The following UNC13D variants were observed in gnomAD, a reference collection of about 807,000 sequenced individuals.
UNC13D encodes the protein protein unc-13 homolog D.
In UNC13D, 115 loss-of-function variants were observed where a neutral mutation model predicts 151.7. The observed-to-expected ratio is 0.76, with a 90% CI of 0.65 to 0.88. The LOEUF is 0.88. UNC13D is among the 40% of genes least tolerant of loss of function. UNC13D has a pLI of 0.00. For synonymous variants in UNC13D, 588 were observed against 612.2 expected, an observed-to-expected ratio of 0.96 and a Z score of 0.58; for missense variants, 1,369 against 1,438.7, an observed-to-expected ratio of 0.95 and a Z score of 0.78.
Position 75,830,489 on chromosome 17 carries a change from T to G in UNC13D, c.2710-7A>C. 6.3e-7 allele frequency: 1 copy of G among 1,591,014 alleles called. No individual in the cohort carries two copies. The highest frequency in any genetic ancestry group is 1.1e-5 in the South Asian group (1 of 87,642). ...CCTCAGAGGTGGTTTCTGCCTGGGG[T>G]GGGGAGCAGGGGCAGGGTCAGCAGG... On this transcript the variant is annotated splice_region_variant and splice_polypyrimidine_tract_variant and intron_variant, in intron 28 of 31. Transcript: ENST00000207549.
Position 75,830,377 on chromosome 17 carries a change from G to T in UNC13D, c.2815C>A (p.Pro939Thr), listed in dbSNP as rs866919867. ...CTCCACTCACCATTGGAGTCCAGGG[G>T]CAGCAGGCTGGAGGCGCTGAGCAGC... ...VELLSASSLL[P>T]LDSNGSSDPF... The change falls in exon 29 of 32, where the codon CCC (proline) becomes ACC (threonine). Residue 939 changes from proline to threonine, a missense_variant. Transcript: ENST00000207549. 6.3e-7 allele frequency: 1 copy of T among 1,591,824 alleles called. No homozygotes were observed. The highest frequency in any genetic ancestry group is 8.5e-7 in the Non-Finnish European group (1 of 1,170,970).
Position 75,839,956 on chromosome 17 carries a change from G to GT in UNC13D, c.952-15dup. 1 of 1,613,708 alleles carries GT rather than the reference G, an allele frequency of 6.2e-7. No individual in the cohort carries two copies. ...GGTGCTTCCCGCCTGAGGGGAGCAG[G>GT]TGGAGGAGTGTCAGGACCTGAAGGG... On this transcript the variant is annotated splice_polypyrimidine_tract_variant and intron_variant, in intron 11 of 31. Coordinates refer to ENST00000207549, the MANE Select transcript of UNC13D (RefSeq NM_199242.3).
chr17:75,833,500 C>T lies in UNC13D; in HGVS notation c.2368-455G>A, dbSNP rs76956408. ...ATCTAGCACACTGCATGTGTGTGCA[C>T]GCGCATACACGCCTGTGCATAGAGT... On this transcript the variant is annotated intron_variant, in intron 24 of 31. Transcript: ENST00000207549. The surrounding 1 kb of genome is among the most constrained non-coding windows in gnomAD (Gnocchi z 4.0). Among the ~76,000 whole-genome samples, 2,205 of 152,270 alleles carry T rather than the reference C, an allele frequency of 0.014. 60 individuals are homozygous for T. Among genetic ancestry groups the T allele is most frequent in the African/African-American group, 0.051 (2,107 of 41,526 alleles).
At chr17:75,830,277 C>G (rs950614253) in intron 29 of UNC13D, 85 bp downstream of exon 29, 4 of 1,562,260 alleles carry the variant, frequency 2.6e-6, no homozygotes, top group Non-Finnish European at 3.5e-6. Flanking sequence ...AGAGCTCCTG[C>G]AGGGTGAGCG....
rs552038992 is a variant in UNC13D at position 75,833,079 on chromosome 17, G to A, written c.2368-34C>T. 19 of 1,566,078 alleles carry A rather than the reference G, an allele frequency of 1.2e-5. No homozygotes were observed. The African/African-American group carries it at 2.0e-4, about 17-fold the overall frequency. On this transcript the variant is annotated intron_variant, in intron 24 of 31. Transcript: ENST00000207549. The surrounding 1 kb of genome is among the most constrained non-coding windows in gnomAD (Gnocchi z 4.0). The stretch of plus-strand genomic sequence containing the variant: ...GGAGATGGGGAGCAGGTGTGGCTCC[G>A]GCCCATGTTGGCCCCACCCCCATCC...
At chr17:75,830,769 A>C (rs117732704) in intron 27 of UNC13D, 108 bp from the exon 28 acceptor site, 2 of 1,354,220 alleles carry the variant, frequency 1.5e-6, no homozygotes, top group Admixed American at 2.0e-5. Context: ...TTTGAAATGG[A>C]AAGTATTGGG....
intron 1 of UNC13D, 81 bp from the exon 2 acceptor site, chr17:75,843,600 G>C: frequency 6.4e-7 from 1 of 1,572,492 alleles, no homozygotes; most frequent in Non-Finnish European, 8.6e-7. Context: ...TCTGAGGCCT[G>C]ATCCAGGCCA....
In UNC13D at chr17:75,843,284, AC is replaced by A. The variant is rs1567822642; in HGVS notation, c.154-19del. 1.2e-6 allele frequency: 2 copies of A among 1,602,176 alleles called. No homozygotes were observed. Among genetic ancestry groups the A allele is most frequent in the Admixed American group, 3.3e-5 (2 of 59,894 alleles). On this transcript the variant is annotated intron_variant, in intron 2 of 31. Coordinates refer to ENST00000207549, the MANE Select transcript of UNC13D (RefSeq NM_199242.3). ...AGGGCCCGCTAAGACACACGGGGTC[AC>A]CTTGGGGACCCCACCAGCCACCCCT...
In UNC13D at chr17:75,843,262, G is replaced by T; in HGVS notation, c.158C>A (p.Ala53Asp). 1.2e-6 allele frequency: 2 copies of T among 1,606,936 alleles called. No individual in the cohort carries two copies. ...GTAGAGTGCGTCCTCGTAGAGCAGG[G>T]CCCGCTAAGACACACGGGGTCACCT... ...PSHHFSPEQRALLYEDALYTV... is the reference protein window; with the variant it reads ...PSHHFSPEQRDLLYEDALYTV... The change falls in exon 3 of 32, where the codon GCC becomes GAC. Residue 53 changes from alanine (A) to aspartate (D), a missense_variant. By Grantham distance (126) the Ala-to-Asp change is moderately radical. Transcript: ENST00000207549.
chr17:75,842,487 C>T lies in UNC13D; in HGVS notation c.515G>A (p.Arg172His), dbSNP rs769659694. 9.9e-6 allele frequency: 16 copies of T among 1,613,298 alleles called. No individual in the cohort carries two copies. Among genetic ancestry groups the T allele is most frequent in the Admixed American group, 8.3e-5 (5 of 59,994 alleles). Residue 172 changes from arginine (R) to histidine (H), a missense_variant, in exon 6 of 32, where the codon CGC becomes CAC. This residue lies in a region of UNC13D where 550 missense variants were observed against 609.0 expected (regional missense o/e 0.90). Coordinates refer to ENST00000207549, the MANE Select transcript of UNC13D (RefSeq NM_199242.3). ...GAGTGTCTGGGTGATGACCTGCGTG[C>T]GGTGGGTCTCCTCCTCGGGGATGGT... ...RHTIPEEETH[R>H]TQVITQTLNP...
In UNC13D at chr17:75,829,108, G is replaced by A. The variant is rs888543002; in HGVS notation, c.2955-125C>T. ...GGACTGCAAAGCCAGCTCTCAGCCT[G>A]GCACCTCTCAGCCATGTGGTGCAAT... On this transcript the variant is annotated intron_variant, in intron 30 of 31. Transcript: ENST00000207549. The A allele has an allele frequency of 2.7e-5, 34 of 1,243,612 alleles. No individual in the cohort carries two copies. In the African/African-American group the frequency reaches 4.9e-4, roughly 18 times the overall value. 77.0% of individuals were successfully genotyped at this position (1,243,612 alleles called of 1,614,324 possible).
intron 23 of UNC13D, 50 bp downstream of exon 23, chr17:75,834,275 T>C: frequency 2.5e-6 from 4 of 1,584,784 alleles, no homozygotes; most frequent in Non-Finnish European, 3.4e-6. Context: ...TGGAGCCAGG[T>C]AGGCTGAAGA....
At position 75,827,231 on chromosome 17, in the gene UNC13D, G is replaced by C. The variant is rs2062129780; in HGVS notation, c.*734C>G. 2 of 373,564 alleles carry C rather than the reference G, an allele frequency of 5.4e-6. No individual in the cohort carries two copies. The highest frequency in any genetic ancestry group is 4.7e-6 in the Non-Finnish European group (1 of 212,658). The allele number at this position is 373,564 out of a possible 1,614,324, so 23.1% of individuals were successfully genotyped here. ...ACTGTAGGCCAAAGGCATATTTTAA[G>C]AGGACAATGGATTTGTTTTTATTAA... On this transcript the variant is annotated 3_prime_UTR_variant, in exon 32 of 32. Transcript: ENST00000207549.
intron 20 of UNC13D, 100 bp downstream of exon 20, chr17:75,835,309 G>C (rs2064899477): frequency 6.7e-7 from 1 of 1,488,522 alleles, no homozygotes; most frequent in African/African-American, 1.4e-5. Context: ...GGGATGTTCA[G>C]AGCGGGTTAC....
chr17:75,838,859 G>A (rs1383466495), intron 12 of UNC13D, among the ~76,000 whole-genome samples: 1 of 152,110 alleles, frequency 6.6e-6, no homozygotes, highest in African/African-American at 2.4e-5. Flanking sequence ...CCAGCACTTT[G>A]GGAGGCCAAG....
intron 12 of UNC13D, 54 bp from the exon 13 acceptor site, chr17:75,836,972 C>T (rs2064913765): frequency 7.3e-7 from 1 of 1,376,428 alleles, no homozygotes; most frequent in Admixed American, 1.8e-5. Flanking sequence ...TTGCCTTCCC[C>T]TGTTCACCCG....
chr17:75,831,437 C>T, intron 25 of UNC13D, 89 bp from the exon 26 acceptor site: 1 of 1,235,024 alleles, frequency 8.1e-7, no homozygotes. Context: ...GGGGCGGCCT[C>T]AGTGACCCAG....
rs140894794 is a variant in UNC13D at position 75,840,867 on chromosome 17, G to T, written c.615-37C>A. 6.2e-7 allele frequency: 1 copy of T among 1,614,024 alleles called. No individual in the cohort carries two copies. The highest frequency in any genetic ancestry group is 8.5e-7 in the Non-Finnish European group (1 of 1,179,988). On this transcript the variant is annotated intron_variant, in intron 7 of 31. Transcript: ENST00000207549. The surrounding 1 kb of genome is among the most constrained non-coding windows in gnomAD (Gnocchi z 4.6). ...GAGGTTTGAGAAGGAAGCAGAGAGA[G>T]TGCCTACGACCTCTTCCAGGAGGAG...
Position 75,843,193 on chromosome 17 carries a change from G to C in UNC13D, c.227C>G (p.Thr76Arg). Residue 76 changes from threonine (T) to arginine (R), a missense_variant, in exon 3 of 32, where the codon ACG (threonine) becomes AGG (arginine). Around this residue, in one of 3 missense-constraint regions of UNC13D, gnomAD observed 550 missense variants for 609.0 expected, o/e 0.90. Coordinates refer to ENST00000207549, the MANE Select transcript of UNC13D (RefSeq NM_199242.3). ...RLGHPEPNHV[T>R]EASELLRYLQ... ...GTATCGCAGCAGCTCAGAGGCCTCC[G>C]TCACATGGTTGGGCTCAGGATGACC... The C allele has an allele frequency of 6.2e-7, 1 of 1,612,278 alleles. No homozygotes were observed. Among genetic ancestry groups the C allele is most frequent in the Non-Finnish European group, 8.5e-7 (1 of 1,179,966 alleles).
Sources: gnomAD v4.1 joint callset for allele counts (sites outside exome capture counted in the v4.1 genomes callset) on GRCh38, gnomAD v4.1.1 for gene constraint, gnomAD v4.1.1 regional missense constraint, Gnocchi (gnomAD v3.1) non-coding constraint, MANE v1.5 for transcripts, NCBI Gene and HGNC (gene_info 2026-07-23, HGNC 2026-07-21) for gene names.